CAMKMT: variants seen among roughly 807,000 people sequenced by gnomAD.
CAMKMT encodes CaM KMT.
A neutral mutation model predicts 48.0 loss-of-function variants in CAMKMT; 53 were observed. The observed-to-expected ratio is 1.10, with a 90% CI of 0.89 to 1.39. The LOEUF is 1.39. CAMKMT is among the 40% of genes most tolerant of loss of function. The pLI, the probability that CAMKMT is intolerant of heterozygous loss-of-function variation, is 0.00. For missense variants in CAMKMT, 428 were observed against 402.7 expected (o/e 1.06, Z -0.54); for synonymous variants, 165 against 152.3 (o/e 1.08, Z -0.61).
intron 3 of CAMKMT, among the ~76,000 whole-genome samples, chr2:44,570,578 A>G (rs1019057898): frequency 2.6e-5 from 4 of 152,182 alleles, no homozygotes. Flanking sequence ...AGTGTTTATT[A>G]TTTTTGATGC....
At chr2:44,377,194 A>G (rs1414257863) in intron 2 of CAMKMT, among the ~76,000 whole-genome samples, 1 of 151,942 alleles carries the variant, frequency 6.6e-6, no homozygotes, top group Non-Finnish European at 1.5e-5. Context: ...TTTTGTAGAG[A>G]TGGGGTTTTG....
At chr2:44,600,822 T>C (rs1212820918) in intron 3 of CAMKMT, among the ~76,000 whole-genome samples, 4 of 152,138 alleles carry the variant, frequency 2.6e-5, no homozygotes, top group African/African-American at 9.7e-5. Context: ...ATGTTTTCCC[T>C]TTCTTTTCTA....
intron 3 of CAMKMT, among the ~76,000 whole-genome samples, chr2:44,658,391 G>A (rs562532458): frequency 7.0e-4 from 106 of 151,918 alleles, no homozygotes; most frequent in African/African-American, 2.5e-3. Flanking sequence ...AGGGGGCACC[G>A]GGTGTGCTAG....
At chr2:44,476,920 C>A (rs113927556) in intron 3 of CAMKMT, among the ~76,000 whole-genome samples, 2,156 of 152,156 alleles carry the variant, frequency 0.014, 57 homozygotes, top group African/African-American at 0.05. Flanking sequence ...GGTGCTATAT[C>A]CCAGCTATTA....
intron 3 of CAMKMT, among the ~76,000 whole-genome samples, chr2:44,479,631 G>C (rs1156920662): frequency 6.6e-6 from 1 of 152,156 alleles, no homozygotes; most frequent in African/African-American, 2.4e-5. Context: ...TCCTATAGGT[G>C]GCAGCAGTTC....
chr2:44,726,117 T>G (rs897839874), intron 7 of CAMKMT, among the ~76,000 whole-genome samples: 4 of 152,180 alleles, frequency 2.6e-5, no homozygotes, highest in African/African-American at 9.6e-5. Flanking sequence ...TTTGGTAGAA[T>G]GATTTGTTTT....
intron 3 of CAMKMT, among the ~76,000 whole-genome samples, chr2:44,437,504 A>T (rs1572873042): frequency 7.1e-6 from 1 of 140,882 alleles, no homozygotes; most frequent in African/African-American, 3.2e-5. Flanking sequence ...TGTTTTTCTG[A>T]TTTCTTTGTT....
chr2:44,445,059 G>C (rs1428774591), intron 3 of CAMKMT, among the ~76,000 whole-genome samples: 1 of 152,192 alleles, frequency 6.6e-6, no homozygotes, highest in Non-Finnish European at 1.5e-5. Flanking sequence ...AGCATGGCTA[G>C]TTTCTGCCAA....
chr2:44,659,251 T>C lies in CAMKMT; in HGVS notation c.377-45032T>C, dbSNP rs568360884. On this transcript the variant is annotated intron_variant, in intron 3 of 10. Coordinates refer to ENST00000378494, the MANE Select transcript of CAMKMT (RefSeq NM_024766.5). Reference sequence around the variant, plus strand: ...GCTTAGGCAACATAGTGAGACCTTATCTCTACAAAATAAAAAATAAAAAAA... The same window carrying C: ...GCTTAGGCAACATAGTGAGACCTTACCTCTACAAAATAAAAAATAAAAAAA... Among the ~76,000 whole-genome samples the C allele has an allele frequency of 2.6e-5, 4 of 151,730 alleles. No individual in the cohort carries two copies. In the East Asian group the frequency reaches 7.7e-4, roughly 29 times the overall value.
intron 7 of CAMKMT, among the ~76,000 whole-genome samples, chr2:44,725,259 T>C (rs1558820170): frequency 6.6e-6 from 1 of 152,022 alleles, no homozygotes; most frequent in Non-Finnish European, 1.5e-5. Flanking sequence ...ATTTTTCTAA[T>C]GAATAAAAGT....
intron 3 of CAMKMT, among the ~76,000 whole-genome samples, chr2:44,445,645 G>GTTTTTTTTTTTTTTT (rs869258613): frequency 9.9e-6 from 1 of 101,408 alleles, no homozygotes; most frequent in African/African-American, 3.7e-5. Flanking sequence ...CAAAAGGGTA[G>GTTTTTTTTTTTTTTT]TTTTTTTTTT....
At chr2:44,621,567 C>G (rs546266095) in intron 3 of CAMKMT, among the ~76,000 whole-genome samples, 1 of 152,150 alleles carries the variant, frequency 6.6e-6, no homozygotes, top group East Asian at 1.9e-4. Flanking sequence ...TACAAAGGAG[C>G]TGAAAGAAGG....
At chr2:44,723,463 C>T (rs779082260) in intron 7 of CAMKMT, among the ~76,000 whole-genome samples, 18 of 151,910 alleles carry the variant, frequency 1.2e-4, no homozygotes. Context: ...TGTCGGCGGG[C>T]ACCTGTAATC....
At chr2:44,597,800 G>C (rs542735703) in intron 3 of CAMKMT, among the ~76,000 whole-genome samples, 2 of 151,984 alleles carry the variant, frequency 1.3e-5, no homozygotes, top group African/African-American at 4.8e-5. Context: ...GCAGTGGTGC[G>C]ATCTCAGCTC....
chr2:44,771,110 G>A (rs1274433014), intron 10 of CAMKMT, among the ~76,000 whole-genome samples: 3 of 152,166 alleles, frequency 2.0e-5, no homozygotes, highest in African/African-American at 7.2e-5. Flanking sequence ...GGACCAACCT[G>A]GGAGAGTGTG....
intron 3 of CAMKMT, among the ~76,000 whole-genome samples, chr2:44,590,267 C>G (rs945792437): frequency 6.6e-6 from 1 of 152,160 alleles, no homozygotes; most frequent in Non-Finnish European, 1.5e-5. Flanking sequence ...GTAATGCTTT[C>G]TTCATTAAGT....
rs781205553 is a variant in CAMKMT, at chr2:44,609,382, A to T, written c.377-94901A>T. On this transcript the variant is annotated intron_variant, in intron 3 of 10. Coordinates refer to ENST00000378494, the MANE Select transcript of CAMKMT (RefSeq NM_024766.5). Reference sequence around the variant, plus strand: ...TTATCACAAAAATGATAACCATGTGAGGTAATCCGTTTGTTAATTAGCTAA... The same window carrying T: ...TTATCACAAAAATGATAACCATGTGTGGTAATCCGTTTGTTAATTAGCTAA... Among the ~76,000 whole-genome samples the T allele has an allele frequency of 3.9e-5, 6 of 152,346 alleles. No homozygotes were observed. In the South Asian group the frequency reaches 6.2e-4, roughly 16 times the overall value.
At chr2:44,658,615 C>T (rs62132337) in intron 3 of CAMKMT, among the ~76,000 whole-genome samples, 2,852 of 152,228 alleles carry the variant, frequency 0.019, 39 homozygotes, top group Non-Finnish European at 0.028. Flanking sequence ...GCTGTATAAC[C>T]GTAGACAATC....
intron 1 of CAMKMT, among the ~76,000 whole-genome samples, chr2:44,367,142 T>G (rs1487215118): frequency 6.6e-6 from 1 of 152,220 alleles, no homozygotes; most frequent in Non-Finnish European, 1.5e-5. Context: ...GGATTCAGAA[T>G]TCTGTTAACT....
Sources: gnomAD v4.1 joint callset for allele counts (sites outside exome capture counted in the v4.1 genomes callset) on GRCh38, gnomAD v4.1.1 for gene constraint, MANE v1.5 for transcripts, NCBI Gene and HGNC (gene_info 2026-07-23, HGNC 2026-07-21) for gene names.